The following PLXNA4 variants were observed in gnomAD, a reference collection of about 807,000 sequenced individuals.
PLXNA4 encodes plexin A4.
A neutral mutation model predicts 191.8 loss-of-function variants in PLXNA4; 44 were observed. The observed-to-expected ratio is 0.23, with a 90% CI of 0.18 to 0.29. PLXNA4 has a LOEUF of 0.29. Ranked by LOEUF, PLXNA4 falls within the 10% of genes least tolerant of loss-of-function variation. The pLI, the probability that PLXNA4 is intolerant of heterozygous loss-of-function variation, is 1.00. For missense variants in PLXNA4, 1,800 were observed against 2,488.8 expected, an observed-to-expected ratio of 0.72 and a Z score of 5.89; for synonymous variants, 1,082 against 1,009.5, an observed-to-expected ratio of 1.07 and a Z score of -1.36.
At chr7:132,166,372 T>TTTTTTTTTTTTTTTGAGACGGAGTCTC (rs1198306499) in intron 22 of PLXNA4, among the ~76,000 whole-genome samples, 1 of 148,798 alleles carries the variant, frequency 6.7e-6, no homozygotes, top group Non-Finnish European at 1.5e-5. Flanking sequence ...TCTTTTACTT[T>TTTTTTTTTTTTTTTGAGACGGAGTCTC]GGAAGTGAAG....
chr7:132,353,958 A>G (rs368276237), intron 3 of PLXNA4, among the ~76,000 whole-genome samples: 21 of 152,262 alleles, frequency 1.4e-4, no homozygotes, highest in African/African-American at 3.6e-4. Flanking sequence ...TGTTTTCCTC[A>G]TGGAGCCTGA....
At chr7:132,524,877 C>A (rs939777468) in intron 1 of PLXNA4, among the ~76,000 whole-genome samples, 15 of 151,220 alleles carry the variant, frequency 9.9e-5, no homozygotes, top group South Asian at 6.3e-4. Flanking sequence ...AGACTTTTTT[C>A]AAAAAAAACA....
At chr7:132,288,837 C>A (rs1407181565) in intron 4 of PLXNA4, among the ~76,000 whole-genome samples, 1 of 152,224 alleles carries the variant, frequency 6.6e-6, no homozygotes, top group African/African-American at 2.4e-5. Flanking sequence ...ACAACAGCCT[C>A]TTCTATCAAA....
intron 2 of PLXNA4, among the ~76,000 whole-genome samples, chr7:132,630,416 ACTTTCTCTGCACTG>A (rs1371997064): frequency 6.6e-6 from 1 of 152,174 alleles, no homozygotes; most frequent in Admixed American, 6.5e-5. Flanking sequence ...CAGAGTTTTC[ACTTTCTCTGCACTG>A]CTAAGTCATT....
At chr7:132,470,125 G>C (rs1213127403) in intron 3 of PLXNA4, among the ~76,000 whole-genome samples, 1 of 152,210 alleles carries the variant, frequency 6.6e-6, no homozygotes, top group Non-Finnish European at 1.5e-5. Context: ...AAACCAAGGG[G>C]AAGAAACTCT....
Position 132,315,809 on chromosome 7 carries a change from A to G in PLXNA4, c.1372-17587T>C, listed in dbSNP as rs545139306. Among the ~76,000 whole-genome samples, 8 of 152,328 alleles carry G rather than the reference A, an allele frequency of 5.3e-5. No individual in the cohort carries two copies. The South Asian group carries it at 1.7e-3, about 32-fold the overall frequency. ...CCATGAGGAAGAATATGTCCTAGGC[A>G]GGCTGGCATGAGCAAAGGCAGAGAT... On this transcript the variant is annotated intron_variant, in intron 3 of 31. Transcript: ENST00000321063.
At chr7:132,506,097 C>A (rs559568342) in intron 2 of PLXNA4, among the ~76,000 whole-genome samples, 1 of 152,028 alleles carries the variant, frequency 6.6e-6, no homozygotes, top group South Asian at 2.1e-4. Flanking sequence ...CAAGAAGAGA[C>A]GACATCTCTT....
Position 132,129,788 on chromosome 7 carries a change from G to C in PLXNA4, c.*691C>G, listed in dbSNP as rs906941449. Reference sequence around the variant, plus strand: ...TACTGGCGGGGGAGCAGGCAGGGCAGGCAGGTCCCTCTGGAGACCTGGAAA... The same window carrying C: ...TACTGGCGGGGGAGCAGGCAGGGCACGCAGGTCCCTCTGGAGACCTGGAAA... On this transcript the variant is annotated 3_prime_UTR_variant, in exon 32 of 32. Transcript: ENST00000321063. 1.4e-4 allele frequency: 22 copies of C among 152,682 alleles called. No individual in the cohort carries two copies. Among genetic ancestry groups the C allele is most frequent in the Admixed American group, 3.3e-4 (5 of 15,274 alleles). 9.5% of individuals were successfully genotyped at this position (152,682 alleles called of 1,614,324 possible).
intron 5 of PLXNA4, 114 bp from the exon 6 acceptor site, chr7:132,228,583 G>T (rs772793834): frequency 3.8e-5 from 51 of 1,350,556 alleles, no homozygotes; most frequent in Non-Finnish European, 4.9e-5. Flanking sequence ...AACTCAATGC[G>T]CCCAGAGCTA....
At position 132,459,562 on chromosome 7, in the gene PLXNA4, G is replaced by C. The variant is rs1362041370; in HGVS notation, c.1371+29730C>G. The stretch of plus-strand genomic sequence containing the variant: ...CGGAAGGGGTCCAGGTCTTGGGTTT[G>C]TGTGTGGTTTATTTCCCTCGGGCAT... On this transcript the variant is annotated intron_variant, in intron 3 of 31. Coordinates refer to ENST00000321063, the MANE Select transcript of PLXNA4 (RefSeq NM_020911.2). Among the ~76,000 whole-genome samples the C allele has an allele frequency of 2.0e-5, 3 of 152,162 alleles. No individual in the cohort carries two copies. In the East Asian group the frequency reaches 5.8e-4, roughly 29 times the overall value.
intron 3 of PLXNA4, among the ~76,000 whole-genome samples, chr7:132,370,639 T>C (rs1804399589): frequency 6.6e-6 from 1 of 152,244 alleles, no homozygotes; most frequent in Admixed American, 6.5e-5. Flanking sequence ...TATGTGTGTG[T>C]GTGTTTCATT....
rs78938452 is a variant in PLXNA4 at position 132,123,723 on chromosome 7, G to A, written c.*6756C>T. On this transcript the variant is annotated 3_prime_UTR_variant, in exon 32 of 32. Coordinates refer to ENST00000321063, the MANE Select transcript of PLXNA4 (RefSeq NM_020911.2). Reference sequence around the variant, plus strand: ...GTGGGAGCTTTAGTTTGAAACAGAAGTGGGATGGGGCTGGAAGGGGGTGAC... The same window carrying A: ...GTGGGAGCTTTAGTTTGAAACAGAAATGGGATGGGGCTGGAAGGGGGTGAC... 8 of 152,078 alleles carry A rather than the reference G, an allele frequency of 5.3e-5. No homozygotes were observed. The highest frequency in any genetic ancestry group is 1.9e-4 in the African/African-American group (8 of 41,342). 9.4% of individuals were successfully genotyped at this position (152,078 alleles called of 1,614,324 possible).
chr7:132,425,530 C>T (rs965957194), intron 3 of PLXNA4, among the ~76,000 whole-genome samples: 14 of 152,110 alleles, frequency 9.2e-5, no homozygotes, highest in Non-Finnish European at 1.9e-4. Context: ...CACCCTCCCT[C>T]ATCAGATCCC....
intron 3 of PLXNA4, among the ~76,000 whole-genome samples, chr7:132,444,382 G>A (rs141587439): frequency 4.8e-4 from 73 of 152,364 alleles, no homozygotes; most frequent in African/African-American, 1.6e-3. Flanking sequence ...AGCCTCCCGA[G>A]TAGCTGGGAT....
intron 3 of PLXNA4, among the ~76,000 whole-genome samples, chr7:132,373,519 G>C (rs1216609832): frequency 4.6e-5 from 7 of 152,200 alleles, no homozygotes; most frequent in Admixed American, 3.3e-4. Flanking sequence ...AAGGGCTGTA[G>C]ATGTACACAT....
At chr7:132,343,106 A>AT (rs5887567) in intron 3 of PLXNA4, among the ~76,000 whole-genome samples, 1,740 of 147,422 alleles carry the variant, frequency 0.012, 28 homozygotes, top group African/African-American at 0.038. Context: ...AACAGTTAAG[A>AT]TTTTTTTTTT....
chr7:132,212,103 T>C (rs911085332), intron 9 of PLXNA4, among the ~76,000 whole-genome samples: 1 of 152,056 alleles, frequency 6.6e-6, no homozygotes, highest in Non-Finnish European at 1.5e-5. Context: ...GCCAGGCAGG[T>C]CCCACCATCC....
chr7:132,365,505 T>C (rs368332015), intron 3 of PLXNA4, among the ~76,000 whole-genome samples: 1 of 152,224 alleles, frequency 6.6e-6, no homozygotes, highest in African/African-American at 2.4e-5. Context: ...AAAATAAAAG[T>C]TGTACAGTTT....
intron 3 of PLXNA4, among the ~76,000 whole-genome samples, chr7:132,379,210 A>T (rs1050414440): frequency 5.3e-5 from 8 of 152,166 alleles, no homozygotes; most frequent in Non-Finnish European, 1.2e-4. Flanking sequence ...ATGATTGGAG[A>T]TATTCAAGTG....
Sources: allele counts gnomAD v4.1 joint callset (sites outside exome capture counted in the v4.1 genomes callset), GRCh38; gene constraint gnomAD v4.1.1; transcripts MANE v1.5; gene names NCBI Gene and HGNC (gene_info 2026-07-23, HGNC 2026-07-21).